The following FIBCD1 variants were observed in gnomAD, a reference collection of about 807,000 sequenced individuals.
FIBCD1 encodes the protein fibrinogen C domain-containing protein 1.
A neutral mutation model predicts 45.1 loss-of-function variants in FIBCD1; 47 were observed. The observed-to-expected ratio is 1.04, with a 90% CI of 0.82 to 1.33. The LOEUF (loss-of-function observed/expected upper bound fraction) is 1.33, where lower values mean the gene tolerates loss of function less well. Ranked by LOEUF, FIBCD1 falls within the 40% of genes most tolerant of loss-of-function variation. FIBCD1 has a pLI of 0.00. For synonymous variants in FIBCD1, 313 were observed against 308.1 expected (o/e 1.02, Z -0.17); for missense variants, 653 against 682.2 (o/e 0.96, Z 0.48).
chr9:130,939,706 C>A (rs908387666), upstream of FIBCD1, among the ~76,000 whole-genome samples: 2 of 152,124 alleles, frequency 1.3e-5, no homozygotes, highest in Non-Finnish European at 2.9e-5. Flanking sequence ...GTGGTCCCAG[C>A]CCCCGCCTTC....
At chr9:130,933,635 C>T (rs1220205097) in intron 1 of FIBCD1, among the ~76,000 whole-genome samples, 22 of 150,418 alleles carry the variant, frequency 1.5e-4, no homozygotes, top group Admixed American at 1.5e-3. Context: ...GGCAGGCAGC[C>T]CCCGGTGGTG....
At chr9:130,937,395 A>C (rs1832534268) in intron 1 of FIBCD1, among the ~76,000 whole-genome samples, 1 of 152,156 alleles carries the variant, frequency 6.6e-6, no homozygotes, top group Non-Finnish European at 1.5e-5. Context: ...TGATGTGGGA[A>C]CGCACTGGCC....
In FIBCD1 at chr9:130,904,050, C is replaced by A. The variant is rs1243945323; in HGVS notation, c.*14G>T. 1 of 1,611,038 alleles carries A rather than the reference C, an allele frequency of 6.2e-7. No homozygotes were observed. The highest frequency in any genetic ancestry group is 8.5e-7 in the Non-Finnish European group (1 of 1,179,368). ...CGACAGGGACCAGCAGGGCCAAGGA[C>A]AAGGTGCACCAGTCTAGCGGTCCTC... On this transcript the variant is annotated 3_prime_UTR_variant, in exon 7 of 7. Transcript: ENST00000372338.
chr9:130,935,011 TC>T (rs944358860), intron 1 of FIBCD1, among the ~76,000 whole-genome samples: 2 of 151,890 alleles, frequency 1.3e-5, no homozygotes, highest in African/African-American at 4.8e-5. Flanking sequence ...GTGAGTTTGT[TC>T]CCCCCGTGAG....
chr9:130,903,873 G>T lies in FIBCD1; in HGVS notation c.*191C>A. The stretch of plus-strand genomic sequence containing the variant: ...ATCAGTGAGCTGCCAAATGGAGGGG[G>T]TGGGGACGGCGAGAAGGCGATGTGT... On this transcript the variant is annotated 3_prime_UTR_variant, in exon 7 of 7. Transcript: ENST00000372338. The T allele has an allele frequency of 1.4e-6, 1 of 726,042 alleles. No individual in the cohort carries two copies. Among genetic ancestry groups the T allele is most frequent in the Non-Finnish European group, 2.4e-6 (1 of 413,326 alleles). The allele number at this position is 726,042 out of a possible 1,614,324, so 45.0% of individuals were successfully genotyped here.
chr9:130,908,159 A>G (rs1418204650), intron 5 of FIBCD1, among the ~76,000 whole-genome samples: 1 of 152,126 alleles, frequency 6.6e-6, no homozygotes, highest in African/African-American at 2.4e-5. Flanking sequence ...TGGACAAATG[A>G]TCGGTAACCT....
chr9:130,938,292 G>C, intron 1 of FIBCD1: 2 of 411,310 alleles, frequency 4.9e-6, no homozygotes, highest in Non-Finnish European at 8.7e-6. Context: ...GGGGGTGCGG[G>C]GACGCGGGAG....
intron 5 of FIBCD1, among the ~76,000 whole-genome samples, chr9:130,910,496 T>A (rs1832017089): frequency 1.3e-5 from 2 of 152,174 alleles, no homozygotes; most frequent in African/African-American, 4.8e-5. Context: ...ACCCAAGGGC[T>A]GAGGAGTGCA....
At chr9:130,921,669 G>A (rs763956987) in intron 4 of FIBCD1, among the ~76,000 whole-genome samples, 23 of 152,238 alleles carry the variant, frequency 1.5e-4, no homozygotes, top group African/African-American at 4.1e-4. Context: ...CCGCTCCGGC[G>A]TCCTGATCTT....
At chr9:130,915,697 T>C (rs1026286058) in intron 4 of FIBCD1, among the ~76,000 whole-genome samples, 1 of 151,938 alleles carries the variant, frequency 6.6e-6, no homozygotes, top group East Asian at 2.0e-4. Context: ...AGCGAGACTC[T>C]GTCTCAAAAA....
At chr9:130,911,332 C>T (rs1178331792) in intron 5 of FIBCD1, among the ~76,000 whole-genome samples, 1 of 151,968 alleles carries the variant, frequency 6.6e-6, no homozygotes, top group Non-Finnish European at 1.5e-5. Context: ...ATCAGTGAGA[C>T]CAAGAACCCA....
intron 4 of FIBCD1, among the ~76,000 whole-genome samples, chr9:130,914,176 C>T (rs1163644063): frequency 1.3e-5 from 2 of 152,218 alleles, no homozygotes; most frequent in African/African-American, 4.8e-5. Context: ...TGGGCGAGGG[C>T]TCCTGCCTCC....
intron 2 of FIBCD1, among the ~76,000 whole-genome samples, chr9:130,925,286 G>A (rs1393325108): frequency 6.6e-6 from 1 of 152,180 alleles, no homozygotes; most frequent in Non-Finnish European, 1.5e-5. Context: ...CCCTGAGAGC[G>A]AAGGATGGCA....
chr9:130,904,736 T>G (rs1831896792), intron 6 of FIBCD1, among the ~76,000 whole-genome samples: 1 of 152,208 alleles, frequency 6.6e-6, no homozygotes, highest in African/African-American at 2.4e-5. Flanking sequence ...GGGCTCAGTT[T>G]CTTTATCTGC....
At chr9:130,911,953 G>A in intron 4 of FIBCD1, 65 bp from the exon 5 acceptor site, 1 of 1,430,430 alleles carries the variant, frequency 7.0e-7, no homozygotes. Flanking sequence ...GCCCACCTGG[G>A]CCCACCCCGC....
At position 130,930,640 on chromosome 9, in the gene FIBCD1, G is replaced by A. The variant is rs548310241; in HGVS notation, c.73-594C>T. On this transcript the variant is annotated intron_variant, in intron 1 of 6. Transcript: ENST00000372338. ...CCCACGGTCACCTGTGTGTGTGGCC[G>A]TGTGGCCCCCGTGGAGCCCACACCA... 606 of 422,310 alleles carry A rather than the reference G, an allele frequency of 1.4e-3. 5 individuals carry two copies. The highest frequency in any genetic ancestry group is 0.011 in the African/African-American group (541 of 49,460). The allele number at this position is 422,310 out of a possible 1,614,324, so 26.2% of individuals were successfully genotyped here.
chr9:130,927,095 T>C (rs2133112567), intron 2 of FIBCD1, among the ~76,000 whole-genome samples: 1 of 152,026 alleles, frequency 6.6e-6, no homozygotes, highest in East Asian at 1.9e-4. Flanking sequence ...TCAAAAAAAT[T>C]AGCTAGACAT....
At position 130,924,330 on chromosome 9, in the gene FIBCD1, G is replaced by C. The variant is rs1832320765; in HGVS notation, c.619C>G (p.Leu207Val). The change falls in exon 3 of 7, where the codon CTG becomes GTG. Residue 207 changes from leucine to valine, a missense_variant. Physicochemically the swap from Leu to Val is conservative, Grantham distance 32 (BLOSUM62 1). Transcript: ENST00000372338. Reference protein sequence around the residue: ...VNSVSDILDALQRDRGLGRPR... With the variant: ...VNSVSDILDAVQRDRGLGRPR... ...CGGCCCAGCCCCCGGTCCCTCTGCA[G>C]GGCATCCAGGATGTCGCTGACGGAG... 1 of 1,608,160 alleles carries C rather than the reference G, an allele frequency of 6.2e-7. No individual in the cohort carries two copies. The highest frequency in any genetic ancestry group is 8.5e-7 in the Non-Finnish European group (1 of 1,178,592).
At chr9:130,911,707 A>G in intron 5 of FIBCD1, 85 bp downstream of exon 5, 3 of 1,284,152 alleles carry the variant, frequency 2.3e-6, no homozygotes, top group Non-Finnish European at 3.3e-6. Context: ...GCCCAAACCC[A>G]TTCAGGGAGC....
Sources: allele counts gnomAD v4.1 joint callset (sites outside exome capture counted in the v4.1 genomes callset), GRCh38; gene constraint gnomAD v4.1.1; transcripts MANE v1.5; gene names NCBI Gene and HGNC (gene_info 2026-07-23, HGNC 2026-07-21).